Variants in PPIL2 observed in about 807,000 individuals in gnomAD.
PPIL2 encodes RING-type E3 ubiquitin-protein ligase PPIL2.
PPIL2 carries 50 observed loss-of-function variants against 75.2 expected under a neutral mutation model. The ratio of observed to expected loss-of-function variants is 0.66; its 90% CI spans 0.53 to 0.84. The LOEUF (loss-of-function observed/expected upper bound fraction) is 0.84. PPIL2 is among the 40% of genes least tolerant of loss of function. PPIL2 has a pLI of 0.00. For missense variants in PPIL2, 590 were observed against 685.0 expected, an observed-to-expected ratio of 0.86 and a Z score of 1.55; for synonymous variants, 245 against 258.8, an observed-to-expected ratio of 0.95 and a Z score of 0.51.
In PPIL2 at chr22:21,694,795, C is replaced by G; in HGVS notation, c.1310C>G (p.Pro437Arg). 6.2e-7 allele frequency: 1 copy of G among 1,605,100 alleles called. No homozygotes were observed. Among genetic ancestry groups the G allele is most frequent in the Non-Finnish European group, 8.5e-7 (1 of 1,173,916 alleles). The change falls in exon 18 of 20, where the codon CCC (proline) becomes CGC (arginine). Residue 437 changes from proline to arginine, a missense_variant. Transcript: ENST00000398831. ...GATGCCACTACAGTGTTCGTGGACC[C>G]CTATGAGGAGGCCGATGCCCAGGTG... ...RIDATTVFVD[P>R]YEEADAQIAQ...
chr22:21,677,390 A>G (rs2066918077), intron 6 of PPIL2, among the ~76,000 whole-genome samples: 1 of 152,156 alleles, frequency 6.6e-6, no homozygotes, highest in African/African-American at 2.4e-5. Context: ...ACGCCACTGC[A>G]CTCCAGCCTG....
intron 15 of PPIL2, among the ~76,000 whole-genome samples, chr22:21,692,842 C>G (rs1231941001): frequency 6.6e-6 from 1 of 150,528 alleles, no homozygotes; most frequent in Non-Finnish European, 1.5e-5. Flanking sequence ...AGGACTATGA[C>G]ATGAACCTGG....
intron 5 of PPIL2, 75 bp from the exon 6 acceptor site, chr22:21,674,989 C>G: frequency 2.2e-6 from 3 of 1,359,560 alleles, no homozygotes; most frequent in Non-Finnish European, 3.1e-6. Flanking sequence ...CTTTTCCTGC[C>G]TGTCTCTGAC....
chr22:21,681,699 C>T (rs1030607676), intron 7 of PPIL2, among the ~76,000 whole-genome samples: 2 of 152,250 alleles, frequency 1.3e-5, no homozygotes, highest in Admixed American at 6.5e-5. Context: ...GGAAGGCACC[C>T]ATGTTTTGAG....
In PPIL2 at chr22:21,688,105, G is replaced by A. The variant is rs367716896; in HGVS notation, c.1020G>A (p.Thr340=). The change falls in exon 14 of 20, where the codon ACG becomes ACA. Residue 340 remains threonine (T), a splice_region_variant and synonymous_variant. Transcript: ENST00000398831. ...IQGGDPTGTG[T]GGESYWGKPF... Reference sequence around the variant, plus strand: ...GGGGCGACCCCACAGGCACAGGCACGGGTAGGTACTGGTGCTGGGCCCCTC... The same window carrying A: ...GGGGCGACCCCACAGGCACAGGCACAGGTAGGTACTGGTGCTGGGCCCCTC... 2.7e-5 allele frequency: 44 copies of A among 1,614,070 alleles called. 1 individual carries two copies. Among genetic ancestry groups the A allele is most frequent in the South Asian group, 2.2e-4 (20 of 91,086 alleles).
At chr22:21,680,686 C>T (rs1396778125) in intron 6 of PPIL2, among the ~76,000 whole-genome samples, 7 of 151,472 alleles carry the variant, frequency 4.6e-5, no homozygotes, top group Admixed American at 4.6e-4. Flanking sequence ...AAAAATTAGC[C>T]GGGCATGATG....
At chr22:21,673,151 T>C (rs1465333558) in intron 5 of PPIL2, among the ~76,000 whole-genome samples, 2 of 152,196 alleles carry the variant, frequency 1.3e-5, no homozygotes, top group African/African-American at 4.8e-5. Flanking sequence ...AATGCTTGGG[T>C]AGGGGGCTTG....
At position 21,695,865 on chromosome 22, in the gene PPIL2, A is replaced by G. The variant is rs1404515784; in HGVS notation, c.*375A>G. The G allele has an allele frequency of 9.9e-6, 11 of 1,111,376 alleles. No homozygotes were observed. The highest frequency in any genetic ancestry group is 1.2e-5 in the Non-Finnish European group (11 of 900,494). 68.8% of individuals were successfully genotyped at this position (1,111,376 alleles called of 1,614,324 possible). ...AAGACAGGGTCTTGCTCTGTTGCCC[A>G]GGCTCCAGTGCAGTGGTGTGATCAT... On this transcript the variant is annotated 3_prime_UTR_variant, in exon 20 of 20. Coordinates refer to ENST00000398831, the MANE Select transcript of PPIL2 (RefSeq NM_014337.4).
chr22:21,686,842 G>A lies in PPIL2; in HGVS notation c.791-50G>A, dbSNP rs752221807. ...GAGGTCGGTGCTGCCTGGCATGGTGGGGCTGCCCCAGGGTGAGGGCAGGGG... is the reference window on the plus strand; with the variant it reads ...GAGGTCGGTGCTGCCTGGCATGGTGAGGCTGCCCCAGGGTGAGGGCAGGGG... On this transcript the variant is annotated intron_variant, in intron 11 of 19. Coordinates refer to ENST00000398831, the MANE Select transcript of PPIL2 (RefSeq NM_014337.4). 2.6e-6 allele frequency: 4 copies of A among 1,550,540 alleles called. No individual in the cohort carries two copies. The Admixed American group carries it at 6.7e-5, about 26-fold the overall frequency.
chr22:21,695,297 G>T, intron 19 of PPIL2, 97 bp from the exon 20 acceptor site: 1 of 1,404,462 alleles, frequency 7.1e-7, no homozygotes, highest in Non-Finnish European at 9.7e-7. Context: ...CAGGTGGGAG[G>T]GGTTGGGCCT....
At position 21,670,603 on chromosome 22, in the gene PPIL2, C is replaced by T. The variant is rs1182662151; in HGVS notation, c.120C>T (p.Asp40=). ...PQTNFRRLPF[D]HCSLSLQPFV... The stretch of plus-strand genomic sequence containing the variant: ...CAAATTTTCGTCGTTTACCTTTTGA[C>T]CACTGCAGGTAAGAGTTTTGCGAGT... Residue 40 remains aspartate, a synonymous_variant, in exon 3 of 20, where the codon GAC becomes GAT. Transcript: ENST00000398831. 6.2e-7 allele frequency: 1 copy of T among 1,610,786 alleles called. No homozygotes were observed.
rs373301601 is a variant in PPIL2 at position 21,688,799 on chromosome 22, C to T, written c.1089C>T (p.Arg363=). ...EFRPNLSHTG[R]GILSMANSGP... is the part of the protein sequence containing the mutation. ...GGCCCAACCTCTCGCACACGGGCCG[C>T]GGCATCCTCAGCATGGCCAACTCCG... Residue 363 remains arginine (R), a synonymous_variant, in exon 15 of 20, where the codon CGC becomes CGT. Transcript: ENST00000398831. The T allele has an allele frequency of 1.1e-5, 17 of 1,614,090 alleles. No homozygotes were observed. Among genetic ancestry groups the T allele is most frequent in the African/African-American group, 5.3e-5 (4 of 74,928 alleles).
chr22:21,670,042 A>G (rs780024871), intron 2 of PPIL2, 80 bp downstream of exon 2: 15 of 1,410,078 alleles, frequency 1.1e-5, no homozygotes, highest in Non-Finnish European at 1.5e-5. Flanking sequence ...TGAGCTGTAA[A>G]AATAGACAAC....
intron 10 of PPIL2, among the ~76,000 whole-genome samples, chr22:21,686,006 C>T (rs7291614): frequency 0.3 from 45,977 of 151,046 alleles, 7,236 homozygotes; most frequent in Non-Finnish European, 0.36. Context: ...CTTATCTCTA[C>T]AAAAAATCAG....
chr22:21,669,948 G>C lies in PPIL2; in HGVS notation c.68G>C (p.Gly23Ala). 6.2e-7 allele frequency: 1 copy of C among 1,613,892 alleles called. No individual in the cohort carries two copies. Among genetic ancestry groups the C allele is most frequent in the East Asian group, 2.2e-5 (1 of 44,872 alleles). The change falls in exon 2 of 20, where the codon GGT (glycine) becomes GCT (alanine). Residue 23 changes from glycine to alanine, a missense_variant. Gly to Ala is a moderately conservative substitution (Grantham distance 60, BLOSUM62 0). Coordinates refer to ENST00000398831, the MANE Select transcript of PPIL2 (RefSeq NM_014337.4). Reference sequence around the variant, plus strand: ...TGTGCTGAATACACTCACTTTTATGGTGGCAAGAAGCCAGGTAAGGCATGC... The same window carrying C: ...TGTGCTGAATACACTCACTTTTATGCTGGCAAGAAGCCAGGTAAGGCATGC... ...ITCAEYTHFY[G>A]GKKPDLPQTN...
intron 4 of PPIL2, 66 bp downstream of exon 4, chr22:21,671,125 C>T (rs2148502802): frequency 6.8e-7 from 1 of 1,464,440 alleles, no homozygotes; most frequent in East Asian, 2.3e-5. Flanking sequence ...AGGAAGGGGA[C>T]CCTTGGTACC....
chr22:21,689,964 G>A (rs1170134719), intron 15 of PPIL2, among the ~76,000 whole-genome samples: 1 of 152,186 alleles, frequency 6.6e-6, no homozygotes, highest in Admixed American at 6.5e-5. Flanking sequence ...GTGGCCTTCT[G>A]CCAGCTCACT....
chr22:21,684,213 C>T (rs1295879194), intron 9 of PPIL2, among the ~76,000 whole-genome samples: 1 of 151,224 alleles, frequency 6.6e-6, no homozygotes, highest in Non-Finnish European at 1.5e-5. Flanking sequence ...TCTCAAAAGG[C>T]TGGGCGCGGT....
chr22:21,671,677 A>C (rs1647706), intron 4 of PPIL2, among the ~76,000 whole-genome samples: 37,515 of 151,890 alleles, frequency 0.25, 4,663 homozygotes, highest in Middle Eastern at 0.32. Context: ...TGAGTAGCTG[A>C]GATTTCAGGC....
Sources: allele counts gnomAD v4.1 joint callset (sites outside exome capture counted in the v4.1 genomes callset), GRCh38; gene constraint gnomAD v4.1.1; transcripts MANE v1.5; gene names NCBI Gene and HGNC (gene_info 2026-07-23, HGNC 2026-07-21).